CACNA2D3: variants seen among roughly 807,000 people sequenced by gnomAD.
CACNA2D3 encodes the protein voltage-dependent calcium channel subunit alpha-2/delta-3.
A neutral mutation model predicts 160.6 loss-of-function variants in CACNA2D3; 60 were observed. The observed-to-expected ratio is 0.37, with a 90% confidence interval of 0.30 to 0.46. CACNA2D3 has a LOEUF of 0.46. CACNA2D3 is among the 20% of genes least tolerant of loss of function. CACNA2D3 has a pLI of 1.00. For synonymous variants in CACNA2D3, 558 were observed against 492.9 expected, an observed-to-expected ratio of 1.13 and a Z score of -1.75; for missense variants, 1,205 against 1,365.0, an observed-to-expected ratio of 0.88 and a Z score of 1.85.
rs1354097736 is a variant in CACNA2D3 at position 54,461,405 on chromosome 3, C to G, written c.382-42087C>G. Among the ~76,000 whole-genome samples, 24 of 151,244 alleles carry G rather than the reference C, an allele frequency of 1.6e-4. 1 individual carries two copies. The highest frequency in any genetic ancestry group is 7.4e-5 in the Non-Finnish European group (5 of 67,692). ...AATTCGGCTGTGAATCCATCTGGTCCTGGACTCTTTTTGATTGGTAAGCTA... is the reference window on the plus strand; with the variant it reads ...AATTCGGCTGTGAATCCATCTGGTCGTGGACTCTTTTTGATTGGTAAGCTA... On this transcript the variant is annotated intron_variant, in intron 4 of 37. Coordinates refer to ENST00000474759, the MANE Select transcript of CACNA2D3 (RefSeq NM_018398.3).
Position 54,668,141 on chromosome 3 carries a change from TAAA to T in CACNA2D3, c.1167+25904_1167+25906del, listed in dbSNP as rs374458462. Among the ~76,000 whole-genome samples, 837 of 152,192 alleles carry T rather than the reference TAAA, an allele frequency of 5.5e-3. 14 individuals carry two copies. Among genetic ancestry groups the T allele is most frequent in the African/African-American group, 0.019 (799 of 41,544 alleles). On this transcript the variant is annotated intron_variant, in intron 11 of 37. Coordinates refer to ENST00000474759, the MANE Select transcript of CACNA2D3 (RefSeq NM_018398.3). ...TAGGCCTTGGGATACAAGACTAAAA[TAAA>T]AAAGCAAATCCTCTGAGCATGGGAG...
In CACNA2D3 at chr3:54,142,381, G is replaced by T. The variant is rs554763725; in HGVS notation, c.204+18787G>T. Among the ~76,000 whole-genome samples, 4 of 152,290 alleles carry T rather than the reference G, an allele frequency of 2.6e-5. No individual in the cohort carries two copies. The East Asian group carries it at 7.7e-4, about 29-fold the overall frequency. On this transcript the variant is annotated intron_variant, in intron 2 of 37. Transcript: ENST00000474759. ...CTTTTCAGTTCCTGCTATGCCAGGG[G>T]CTCAGTGCTGGGCTCTCAGTTGCTA...
intron 3 of CACNA2D3, among the ~76,000 whole-genome samples, chr3:54,327,519 A>G (rs1004054315): frequency 5.9e-5 from 9 of 152,186 alleles, no homozygotes; most frequent in Non-Finnish European, 1.2e-4. Flanking sequence ...CTCTTTCCCA[A>G]ATAATTGGAC....
intron 2 of CACNA2D3, among the ~76,000 whole-genome samples, chr3:54,219,032 T>G (rs376894169): frequency 1.3e-5 from 2 of 152,208 alleles, no homozygotes; most frequent in Non-Finnish European, 2.9e-5. Flanking sequence ...GATTAGGACA[T>G]GGACATCTTT....
rs535679083 is a variant in CACNA2D3 at position 54,534,306 on chromosome 3, G to T, written c.545-28494G>T. Among the ~76,000 whole-genome samples the T allele has an allele frequency of 3.3e-5, 5 of 152,268 alleles. No individual in the cohort carries two copies. The South Asian group carries it at 8.3e-4, about 25-fold the overall frequency. ...TTTTTAAAATTGACAAATAATAATT[G>T]TGTGTAGTTCAAGGTGGTCTTTTTA... On this transcript the variant is annotated intron_variant, in intron 5 of 37. Coordinates refer to ENST00000474759, the MANE Select transcript of CACNA2D3 (RefSeq NM_018398.3).
chr3:54,124,036 T>C (rs2107241778), intron 2 of CACNA2D3, among the ~76,000 whole-genome samples: 1 of 152,298 alleles, frequency 6.6e-6, no homozygotes, highest in Middle Eastern at 3.4e-3. Flanking sequence ...CTATTGTTTG[T>C]CATCCCTGCA....
At chr3:54,403,356 AACACACACACACACACAC>A (rs55779518) in intron 4 of CACNA2D3, among the ~76,000 whole-genome samples, 6 of 137,700 alleles carry the variant, frequency 4.4e-5, no homozygotes, top group East Asian at 2.1e-4. Context: ...CCCTATCTCA[AACACACACACACACACAC>A]ACACACACAC....
At chr3:54,855,330 A>G (rs991737003) in intron 17 of CACNA2D3, among the ~76,000 whole-genome samples, 1 of 152,184 alleles carries the variant, frequency 6.6e-6, no homozygotes, top group Non-Finnish European at 1.5e-5. Context: ...CCCTTCATGC[A>G]GATGGGTGGG....
At chr3:54,925,651 C>T (rs1245192098) in intron 27 of CACNA2D3, among the ~76,000 whole-genome samples, 1 of 152,204 alleles carries the variant, frequency 6.6e-6, no homozygotes, top group Non-Finnish European at 1.5e-5. Context: ...CTGTCTAATA[C>T]AACTTTCTGT....
chr3:54,379,875 T>C (rs1699070946), intron 3 of CACNA2D3, among the ~76,000 whole-genome samples: 3 of 152,204 alleles, frequency 2.0e-5, no homozygotes. Flanking sequence ...ATTTTCCTTG[T>C]GTGTCCCTCA....
intron 5 of CACNA2D3, among the ~76,000 whole-genome samples, chr3:54,558,560 C>T (rs1702275337): frequency 6.6e-6 from 1 of 152,064 alleles, no homozygotes; most frequent in South Asian, 2.1e-4. Flanking sequence ...TTGATCCTCA[C>T]CCTCCTCCCA....
At chr3:54,959,830 A>T (rs7632198) in intron 27 of CACNA2D3, among the ~76,000 whole-genome samples, 80,187 of 151,968 alleles carry the variant, frequency 0.53, 21,489 homozygotes, top group East Asian at 0.74. Flanking sequence ...TGACAAAAAC[A>T]ATTTGATGCT....
intron 11 of CACNA2D3, among the ~76,000 whole-genome samples, chr3:54,712,572 C>T (rs774178178): frequency 2.6e-5 from 4 of 152,200 alleles, no homozygotes; most frequent in Non-Finnish European, 4.4e-5. Context: ...TGCCTTTCAC[C>T]TTCCACCATG....
At chr3:54,287,093 T>C (rs1703049559) in intron 2 of CACNA2D3, among the ~76,000 whole-genome samples, 1 of 151,888 alleles carries the variant, frequency 6.6e-6, no homozygotes, top group African/African-American at 2.4e-5. Context: ...ACTTTAAATG[T>C]AAATGGACTA....
At chr3:54,859,090 A>G (rs1699229711) in intron 17 of CACNA2D3, among the ~76,000 whole-genome samples, 1 of 152,226 alleles carries the variant, frequency 6.6e-6, no homozygotes, top group South Asian at 2.1e-4. Context: ...TTTGAAGTTC[A>G]GTAGACCCAA....
At chr3:54,814,681 G>A (rs1305824307) in intron 13 of CACNA2D3, among the ~76,000 whole-genome samples, 1 of 152,206 alleles carries the variant, frequency 6.6e-6, no homozygotes, top group East Asian at 1.9e-4. Flanking sequence ...GTTTTGTGGG[G>A]AGGATGAGGG....
chr3:54,867,029 T>G (rs74767045), intron 17 of CACNA2D3, among the ~76,000 whole-genome samples: 1,892 of 152,356 alleles, frequency 0.012, 15 homozygotes, highest in Non-Finnish European at 0.019. Flanking sequence ...AGTATCTGTT[T>G]ATAAACCTTT....
At chr3:54,481,879 G>C (rs1183998291) in intron 4 of CACNA2D3, among the ~76,000 whole-genome samples, 1 of 152,152 alleles carries the variant, frequency 6.6e-6, no homozygotes, top group Non-Finnish European at 1.5e-5. Context: ...GGCTCTATTA[G>C]TTTATACAGA....
rs557693334 is a variant in CACNA2D3 at position 54,721,981 on chromosome 3, C to G, written c.1168-30618C>G. The stretch of plus-strand genomic sequence containing the variant: ...TGTCTTGCTAGGTTGGGGAAGTTCT[C>G]CTGGCTAATATCCTGAAGAGTGTTT... On this transcript the variant is annotated intron_variant, in intron 11 of 37. Transcript: ENST00000474759. Among the ~76,000 whole-genome samples, 23 of 152,222 alleles carry G rather than the reference C, an allele frequency of 1.5e-4. No individual in the cohort carries two copies. The East Asian group carries it at 3.5e-3, about 23-fold the overall frequency.
Sources: allele counts gnomAD v4.1 joint callset (sites outside exome capture counted in the v4.1 genomes callset), GRCh38; gene constraint gnomAD v4.1.1; transcripts MANE v1.5; gene names NCBI Gene and HGNC (gene_info 2026-07-23, HGNC 2026-07-21).